CCDC181: variants seen among roughly 807,000 people sequenced by gnomAD.
The protein encoded by CCDC181 is coiled-coil domain-containing protein 181.
A neutral mutation model predicts 58.7 loss-of-function variants in CCDC181; 35 were observed. That is an observed-to-expected ratio of 0.60 (90% confidence interval 0.46 to 0.79). CCDC181 has a LOEUF of 0.79. CCDC181 is among the 30% of genes least tolerant of loss of function. The pLI is 0.00. For missense variants in CCDC181, 517 were observed against 583.9 expected, an observed-to-expected ratio of 0.89 and a Z score of 1.18; for synonymous variants, 183 against 197.5, an observed-to-expected ratio of 0.93 and a Z score of 0.62.
intron 2 of CCDC181, among the ~76,000 whole-genome samples, chr1:169,455,963 A>G (rs1316456057): frequency 6.6e-6 from 1 of 152,162 alleles, no homozygotes; most frequent in Non-Finnish European, 1.5e-5. Context: ...GAACCATAAG[A>G]CTTGGTAACT....
intron 4 of CCDC181, among the ~76,000 whole-genome samples, chr1:169,398,936 A>G (rs1655200352): frequency 6.6e-6 from 1 of 152,240 alleles, no homozygotes; most frequent in African/African-American, 2.4e-5. Flanking sequence ...GGAGAAAAAC[A>G]GTGGTAACAA....
At position 169,412,129 on chromosome 1, in the gene CCDC181, C is replaced by T. The variant is rs143751290; in HGVS notation, c.1215+6884G>A. On this transcript the variant is annotated intron_variant, in intron 4 of 5. Coordinates refer to ENST00000367806, the MANE Select transcript of CCDC181 (RefSeq NM_001300969.2). Reference sequence around the variant, plus strand: ...TGATATTATTGTATGTTTAGAAAACCCCATCATCTTAGCCCAAAATCTCCT... The same window carrying T: ...TGATATTATTGTATGTTTAGAAAACTCCATCATCTTAGCCCAAAATCTCCT... 4.9e-3 allele frequency among the ~76,000 whole-genome samples: 739 copies of T among 152,178 alleles called. 6 individuals are homozygous for T. The highest frequency in any genetic ancestry group is 0.017 in the African/African-American group (701 of 41,502).
intron 2 of CCDC181, among the ~76,000 whole-genome samples, chr1:169,456,646 C>G (rs1657682552): frequency 6.6e-6 from 1 of 152,076 alleles, no homozygotes; most frequent in Admixed American, 6.6e-5. Flanking sequence ...ATGCTCAGTC[C>G]TCTTGCCATG....
At chr1:169,414,533 C>T (rs553376184) in intron 4 of CCDC181, among the ~76,000 whole-genome samples, 1 of 152,026 alleles carries the variant, frequency 6.6e-6, no homozygotes, top group African/African-American at 2.4e-5. Flanking sequence ...TACCCATGGA[C>T]GGTTAACATA....
At chr1:169,431,778 A>C (rs1187705400), upstream of CCDC181, among the ~76,000 whole-genome samples, 1 of 152,150 alleles carries the variant, frequency 6.6e-6, no homozygotes, top group African/African-American at 2.4e-5. Context: ...CTGTCCTCCT[A>C]TTGATGAGGG....
chr1:169,456,423 CATTATTA>C (rs781730955), intron 2 of CCDC181, among the ~76,000 whole-genome samples: 2 of 120,384 alleles, frequency 1.7e-5, no homozygotes, highest in Non-Finnish European at 4.1e-5. Flanking sequence ...AATAAATAAT[CATTATTA>C]ATTAGTAAAG....
At chr1:169,407,221 A>AT (rs1365159064) in intron 4 of CCDC181, among the ~76,000 whole-genome samples, 1 of 152,166 alleles carries the variant, frequency 6.6e-6, no homozygotes, top group African/African-American at 2.4e-5. Flanking sequence ...AGCCAGGAAA[A>AT]TTTTAAAGAA....
At chr1:169,429,409 A>T (rs1036693391), upstream of CCDC181, among the ~76,000 whole-genome samples, 3 of 152,220 alleles carry the variant, frequency 2.0e-5, no homozygotes, top group Non-Finnish European at 2.9e-5. Flanking sequence ...ACTAGTTTAC[A>T]TTCCCATCAC....
chr1:169,423,622 T>C (rs560315777), intron 2 of CCDC181, among the ~76,000 whole-genome samples: 18 of 152,138 alleles, frequency 1.2e-4, no homozygotes, highest in Admixed American at 3.3e-4. Context: ...CCCTAGCACC[T>C]AGAACAGCCT....
chr1:169,438,622 AG>A (rs1657120418), intron 2 of CCDC181, among the ~76,000 whole-genome samples: 1 of 152,198 alleles, frequency 6.6e-6, no homozygotes, highest in Non-Finnish European at 1.5e-5. Context: ...AACCTGACAA[AG>A]CTCAAACTTT....
chr1:169,446,831 T>A (rs999694821), intron 2 of CCDC181, among the ~76,000 whole-genome samples: 3 of 152,164 alleles, frequency 2.0e-5, no homozygotes, highest in African/African-American at 7.2e-5. Context: ...CTGGAACCAA[T>A]CCCCATGGAT....
At chr1:169,437,313 C>G (rs1185860758) in intron 2 of CCDC181, among the ~76,000 whole-genome samples, 2 of 152,156 alleles carry the variant, frequency 1.3e-5, no homozygotes, top group African/African-American at 4.8e-5. Context: ...ATTGTAGCCT[C>G]TAGCTGCATG....
Position 169,439,979 on chromosome 1 carries a change from G to A in CCDC181, c.-23-15029C>T, listed in dbSNP as rs905476094. On this transcript the variant is annotated intron_variant, in intron 2 of 6. Coordinates refer to the CCDC181 transcript ENST00000545005. ...TGCTGCTCTTCTGATTGTGGATCCC[G>A]GGGTTTGGGCTTTTTATGGGTACAG... 2.6e-5 allele frequency among the ~76,000 whole-genome samples: 4 copies of A among 151,938 alleles called. No homozygotes were observed. In the East Asian group the frequency reaches 7.7e-4, roughly 29 times the overall value.
intron 4 of CCDC181, among the ~76,000 whole-genome samples, chr1:169,406,351 T>A (rs1655656329): frequency 6.6e-6 from 1 of 152,188 alleles, no homozygotes; most frequent in Non-Finnish European, 1.5e-5. Context: ...TGCACACATA[T>A]GTTTATTGCA....
intron 2 of CCDC181, among the ~76,000 whole-genome samples, chr1:169,441,331 T>C (rs1657224383): frequency 6.6e-6 from 1 of 152,114 alleles, no homozygotes; most frequent in African/African-American, 2.4e-5. Context: ...GTGTTTTTGA[T>C]CAGGGAAGAG....
Position 169,419,169 on chromosome 1 carries a change from G to C in CCDC181, c.1069-10C>G. The C allele has an allele frequency of 6.4e-7, 1 of 1,566,728 alleles. No individual in the cohort carries two copies. Among genetic ancestry groups the C allele is most frequent in the Non-Finnish European group, 8.7e-7 (1 of 1,153,258 alleles). On this transcript the variant is annotated splice_polypyrimidine_tract_variant and intron_variant, in intron 3 of 5. Transcript: ENST00000367806. ...TTTTTCGTCGCTCTTCCTAGTAAAA[G>C]AATATGAAAAGACATTAATGGAAGA...
Position 169,421,349 on chromosome 1 carries a change from A to C in CCDC181, c.1068+14T>G, listed in dbSNP as rs1347889311. On this transcript the variant is annotated intron_variant, in intron 3 of 5. Coordinates refer to ENST00000367806, the MANE Select transcript of CCDC181 (RefSeq NM_001300969.2). ...ATACTCTACTTTTAATATAATGCCC[A>C]CTTAGGTTCTCACCTCTCTTTTCAG... The C allele has an allele frequency of 5.1e-6, 8 of 1,564,640 alleles. No homozygotes were observed. Among genetic ancestry groups the C allele is most frequent in the Non-Finnish European group, 7.0e-6 (8 of 1,148,542 alleles).
chr1:169,395,267 T>TA (rs1654951952), intron 5 of CCDC181, 61 bp from the exon 6 acceptor site: 2 of 1,403,868 alleles, frequency 1.4e-6, no homozygotes. Flanking sequence ...CTTCATGCTA[T>TA]AAAGTTACTA....
chr1:169,447,333 G>A (rs1657404630), intron 2 of CCDC181, among the ~76,000 whole-genome samples: 1 of 152,060 alleles, frequency 6.6e-6, no homozygotes, highest in Admixed American at 6.6e-5. Flanking sequence ...GATTGGTCTC[G>A]AACTCCTGAC....
Sources: gnomAD v4.1 joint callset for allele counts (sites outside exome capture counted in the v4.1 genomes callset) on GRCh38, gnomAD v4.1.1 for gene constraint, MANE v1.5 for transcripts, NCBI Gene and HGNC (gene_info 2026-07-23, HGNC 2026-07-21) for gene names.